Variants in C21orf58 observed in about 807,000 individuals in gnomAD.
C21orf58 encodes chromosome 21 open reading frame 58, also known as uncharacterized protein C21orf58.
C21orf58 carries 34 observed loss-of-function variants against 35.8 expected under a neutral mutation model. The ratio of observed to expected loss-of-function variants is 0.95; its 90% CI spans 0.72 to 1.26. The LOEUF (loss-of-function observed/expected upper bound fraction) is 1.26, where lower values mean the gene tolerates loss of function less well. Among genes scored for constraint, C21orf58 ranks in the 50% most tolerant of loss-of-function variants. The probability of loss-of-function intolerance (pLI) is 0.00; values close to 1 mark genes in which losing one functional copy is unlikely to be tolerated. For synonymous variants in C21orf58, 191 were observed against 175.8 expected, an observed-to-expected ratio of 1.09 and a Z score of -0.68; for missense variants, 440 against 414.3, an observed-to-expected ratio of 1.06 and a Z score of -0.54.
chr21:46,304,771 C>T (rs777817332), intron 6 of C21orf58, among the ~76,000 whole-genome samples: 27 of 152,152 alleles, frequency 1.8e-4, no homozygotes, highest in Non-Finnish European at 2.6e-4. Context: ...GCAAAAAGGA[C>T]TGTGCAGATG....
chr21:46,309,500 G>A (rs11089061), intron 6 of C21orf58, among the ~76,000 whole-genome samples: 89,304 of 151,676 alleles, frequency 0.59, 28,169 homozygotes, highest in Non-Finnish European at 0.7. Context: ...CAGATATTCT[G>A]AGCAACAGAA....
chr21:46,307,991 A>G (rs930113688), intron 6 of C21orf58, among the ~76,000 whole-genome samples: 3 of 152,008 alleles, frequency 2.0e-5, no homozygotes, highest in African/African-American at 2.4e-5. Context: ...ACAGTTTGGC[A>G]GTTTCTTTTT....
Position 46,323,595 on chromosome 21 carries a change from T to A in C21orf58, c.-857A>T, listed in dbSNP as rs532510076. ...ATTCGGCGGGCTGGTGGCGTAGGATTTTGTTTCGGGTTCCCAGGGTCCCGG... is the reference window on the plus strand; with the variant it reads ...ATTCGGCGGGCTGGTGGCGTAGGATATTGTTTCGGGTTCCCAGGGTCCCGG... On this transcript the variant is annotated 5_prime_UTR_variant, in exon 1 of 8. Coordinates refer to ENST00000291691, the MANE Select transcript of C21orf58 (RefSeq NM_058180.5). 6.5e-6 allele frequency: 1 copy of A among 153,192 alleles called. No homozygotes were observed. The highest frequency in any genetic ancestry group is 6.5e-5 in the Admixed American group (1 of 15,370). The allele number at this position is 153,192 out of a possible 1,614,324, so 9.5% of individuals were successfully genotyped here.
rs1252884201 is a variant in C21orf58, at chr21:46,303,732, TATA to T, written c.722-1159_722-1157del. ...AAATATATATATATATATATATATA[TATA>T]TATATATATATTTTTTTTTTTTTTT... On this transcript the variant is annotated intron_variant, in intron 6 of 7. Coordinates refer to ENST00000291691, the MANE Select transcript of C21orf58 (RefSeq NM_058180.5). 5.9e-3 allele frequency among the ~76,000 whole-genome samples: 185 copies of T among 31,542 alleles called. 1 individual carries two copies. The highest frequency in any genetic ancestry group is 8.9e-3 in the Non-Finnish European group (155 of 17,358). 20.7% of individuals were successfully genotyped at this position (31,542 alleles called of 152,430 possible). A position where few individuals can be genotyped will look rare whatever the true frequency, so the allele number is the denominator to read the frequency against.
chr21:46,301,252 C>A lies in C21orf58; in HGVS notation c.*747G>T. ...TAACTCCTGGGCTCAAGCAATCCTC[C>A]CACCTCAGCCCCCAGAGCTGCTGAG... On this transcript the variant is annotated 3_prime_UTR_variant, in exon 8 of 8. Transcript: ENST00000291691. The A allele has an allele frequency of 3.7e-6, 1 of 273,310 alleles. No individual in the cohort carries two copies. Among genetic ancestry groups the A allele is most frequent in the Non-Finnish European group, 5.6e-6 (1 of 178,908 alleles). The allele number at this position is 273,310 out of a possible 1,614,324, so 16.9% of individuals were successfully genotyped here.
rs3747006 is a variant in C21orf58 at position 46,301,747 on chromosome 21, T to C, written c.*252A>G. The C allele has an allele frequency of 0.84, 1,025,054 of 1,216,378 alleles. 436,160 individuals carry two copies. Among genetic ancestry groups the C allele is most frequent in the African/African-American group, 0.92 (59,198 of 64,182 alleles). The allele number at this position is 1,216,378 out of a possible 1,614,324, so 75.3% of individuals were successfully genotyped here. On this transcript the variant is annotated 3_prime_UTR_variant, in exon 8 of 8. Transcript: ENST00000291691. ...AAGGAGGGGTCCCTGGGAGGGGCTG[T>C]TGCCCTGGTGGGGTTCACAGGCCCC... is the stretch of plus-strand genomic sequence containing the variant.
At position 46,322,455 on chromosome 21, in the gene C21orf58, T is replaced by G. The variant is rs575539564; in HGVS notation, c.100+184A>C. The G allele has an allele frequency of 4.1e-6, 4 of 985,306 alleles. No individual in the cohort carries two copies. The African/African-American group carries it at 5.2e-5, about 13-fold the overall frequency. The allele number at this position is 985,306 out of a possible 1,614,324, so 61.0% of individuals were successfully genotyped here. ...GTAAATGTATTGTAACACGTAACAG[T>G]TGTGAGATTCAGGCGCGGTCTGGGT... is the stretch of plus-strand genomic sequence containing the variant. On this transcript the variant is annotated intron_variant, in intron 1 of 7. Coordinates refer to ENST00000291691, the MANE Select transcript of C21orf58 (RefSeq NM_058180.5).
At chr21:46,313,009 T>C in intron 5 of C21orf58, 1 of 985,464 alleles carries the variant, frequency 1.0e-6, no homozygotes, top group Non-Finnish European at 1.2e-6. Context: ...TCTAGCTGTG[T>C]GAGGCTGCCT....
At chr21:46,310,603 G>C (rs774255738) in intron 6 of C21orf58, among the ~76,000 whole-genome samples, 32 of 151,860 alleles carry the variant, frequency 2.1e-4, no homozygotes, top group Non-Finnish European at 3.4e-4. Context: ...GAGGTTGGGA[G>C]TTCAAGACCA....
chr21:46,306,342 T>C (rs1237756449), intron 6 of C21orf58, among the ~76,000 whole-genome samples: 1 of 149,230 alleles, frequency 6.7e-6, no homozygotes, highest in Non-Finnish European at 1.5e-5. Context: ...CAACTAAAAA[T>C]ACAAAAATTA....
At position 46,322,669 on chromosome 21, in the gene C21orf58, AAGG is replaced by A; in HGVS notation, c.67_69del (p.Pro23del). 1 of 1,593,824 alleles carries A rather than the reference AAGG, an allele frequency of 6.3e-7. No homozygotes were observed. Among genetic ancestry groups the A allele is most frequent in the Non-Finnish European group, 8.5e-7 (1 of 1,169,774 alleles). ...AGAAGACTGTGGCCTGAGTCAGGAG[AAGG>A]AAGTTTCTGGCGGTCGAGCTTCCAC... On this transcript the variant is annotated inframe_deletion, in exon 1 of 8. Coordinates refer to ENST00000291691, the MANE Select transcript of C21orf58 (RefSeq NM_058180.5).
In C21orf58 at chr21:46,323,058, G is replaced by A. The variant is rs2083229416; in HGVS notation, c.-320C>T. ...AGCTGAAGGAATACTCCACAGTTAA[G>A]GACGGCCTGCGCGAGGTCACCGGCC... On this transcript the variant is annotated 5_prime_UTR_variant, in exon 1 of 8. Transcript: ENST00000291691. 1.0e-5 allele frequency: 2 copies of A among 192,780 alleles called. No homozygotes were observed. Among genetic ancestry groups the A allele is most frequent in the Non-Finnish European group, 2.1e-5 (2 of 95,260 alleles). 11.9% of individuals were successfully genotyped at this position (192,780 alleles called of 1,614,324 possible). A position where few individuals can be genotyped will look rare whatever the true frequency, so the allele number is the denominator to read the frequency against.
chr21:46,314,130 A>ACTTTTTTTTTTTT (rs1555930164), intron 5 of C21orf58, among the ~76,000 whole-genome samples: 1 of 52,214 alleles, frequency 1.9e-5, no homozygotes, highest in African/African-American at 4.4e-5. Flanking sequence ...GGCATGATAA[A>ACTTTTTTTTTTTT]GTTTTTTTTT....
intron 6 of C21orf58, among the ~76,000 whole-genome samples, chr21:46,308,631 A>G (rs1211278313): frequency 6.6e-6 from 1 of 151,966 alleles, no homozygotes; most frequent in Non-Finnish European, 1.5e-5. Context: ...CTGTGGTTGG[A>G]ACTTAATCCT....
intron 1 of C21orf58, among the ~76,000 whole-genome samples, chr21:46,322,207 G>C (rs2083185187): frequency 6.6e-6 from 1 of 152,028 alleles, no homozygotes; most frequent in Non-Finnish European, 1.5e-5. Context: ...AATCACCTGA[G>C]CCCGGGGAAG....
At chr21:46,310,482 C>CAAAAA (rs1569126386) in intron 6 of C21orf58, among the ~76,000 whole-genome samples, 1 of 126,744 alleles carries the variant, frequency 7.9e-6, no homozygotes, top group African/African-American at 3.8e-5. Context: ...TGTCTCAGAA[C>CAAAAA]AAAAAAAATA....
rs1026168861 is a variant in C21orf58, at chr21:46,318,495, C to G, written c.101-275G>C. 7 of 1,344,068 alleles carry G rather than the reference C, an allele frequency of 5.2e-6. No homozygotes were observed. In the African/African-American group the frequency reaches 8.9e-5, roughly 17 times the overall value. 83.3% of individuals were successfully genotyped at this position (1,344,068 alleles called of 1,614,324 possible). On this transcript the variant is annotated intron_variant, in intron 1 of 7. Coordinates refer to ENST00000291691, the MANE Select transcript of C21orf58 (RefSeq NM_058180.5). ...CCTGGGGGAAGGGCAGTCGTGACCC[C>G]CTATGCACCACCAGCCTCAGGACCC... is the stretch of plus-strand genomic sequence containing the variant.
chr21:46,319,501 G>A (rs559469341), intron 1 of C21orf58, among the ~76,000 whole-genome samples: 57 of 152,324 alleles, frequency 3.7e-4, no homozygotes, highest in African/African-American at 1.3e-3. Context: ...GTTGGCTCAC[G>A]CCTGTAATCT....
rs1430875018 is a variant in C21orf58 at position 46,311,438 on chromosome 21, T to C, written c.721+18A>G. The C allele has an allele frequency of 6.9e-7, 1 of 1,440,106 alleles. No homozygotes were observed. The highest frequency in any genetic ancestry group is 1.9e-5 in the Admixed American group (1 of 52,514). 89.2% of individuals were successfully genotyped at this position (1,440,106 alleles called of 1,614,324 possible). On this transcript the variant is annotated intron_variant, in intron 6 of 7. Coordinates refer to ENST00000291691, the MANE Select transcript of C21orf58 (RefSeq NM_058180.5). ...ATAATTTCCTCAACCCACAACAATA[T>C]GAATATGGAACACTTACCTTCCTTA...
Sources: allele counts gnomAD v4.1 joint callset (sites outside exome capture counted in the v4.1 genomes callset), GRCh38; gene constraint gnomAD v4.1.1; transcripts MANE v1.5; gene names NCBI Gene and HGNC (gene_info 2026-07-23, HGNC 2026-07-21).